KLHDC4: variants seen among roughly 807,000 people sequenced by gnomAD.
The protein encoded by KLHDC4 is kelch domain containing 4, also known as kelch domain-containing protein 4.
Under a neutral mutation model 62.4 loss-of-function variants are expected in KLHDC4, and 90 were observed. That is an observed-to-expected ratio of 1.44 (90% CI 1.22 to 1.72). The LOEUF is 1.72. Among genes scored for constraint, KLHDC4 ranks in the 40% most tolerant of loss-of-function variants. The pLI is 0.00. For missense variants in KLHDC4, 1,025 were observed against 699.7 expected, an observed-to-expected ratio of 1.47 and a Z score of -5.25; for synonymous variants, 386 against 284.4, an observed-to-expected ratio of 1.36 and a Z score of -3.59.
chr16:87,727,063 C>A, intron 6 of KLHDC4, 139 bp from the exon 7 acceptor site: 2 of 847,820 alleles, frequency 2.4e-6, no homozygotes, highest in Non-Finnish European at 3.6e-6. Context: ...TCTGCTCTTA[C>A]ACCAACACAA....
intron 1 of KLHDC4, 197 bp from the exon 2 acceptor site, chr16:87,762,237 G>T: frequency 8.7e-7 from 1 of 1,149,222 alleles, no homozygotes; most frequent in South Asian, 1.7e-5. Context: ...AAGGCAGTCT[G>T]CTTAAAGGGT....
chr16:87,764,830 CAAAAAAA>C (rs35356541), intron 1 of KLHDC4, among the ~76,000 whole-genome samples: 2 of 80,506 alleles, frequency 2.5e-5, no homozygotes, highest in African/African-American at 4.5e-5. Flanking sequence ...AAGACTCTGT[CAAAAAAA>C]AAAAAAAAAA....
At chr16:87,745,086 T>C (rs1165109792) in intron 5 of KLHDC4, among the ~76,000 whole-genome samples, 1 of 152,238 alleles carries the variant, frequency 6.6e-6, no homozygotes, top group Admixed American at 6.5e-5. Flanking sequence ...AGAGGAAGCA[T>C]TTCTTTAGGG....
intron 7 of KLHDC4, among the ~76,000 whole-genome samples, chr16:87,720,490 G>C (rs550218936): frequency 1.3e-5 from 2 of 152,316 alleles, no homozygotes; most frequent in South Asian, 4.1e-4. Context: ...GCGACCGCAC[G>C]CACCGTGCCC....
At chr16:87,714,595 T>A (rs1169811623) in intron 7 of KLHDC4, 22 bp from the exon 8 acceptor site, 3 of 1,613,586 alleles carry the variant, frequency 1.9e-6, no homozygotes, top group Non-Finnish European at 2.5e-6. Flanking sequence ...AGGAATTGTG[T>A]GAGAACCGGG....
intron 4 of KLHDC4, among the ~76,000 whole-genome samples, chr16:87,752,079 G>C (rs2044068259): frequency 1.7e-5 from 1 of 58,082 alleles, no homozygotes; most frequent in Non-Finnish European, 2.9e-5. Flanking sequence ...AACAGAGTGA[G>C]ACTTTGTCTC....
At chr16:87,722,418 G>C (rs1269282184) in intron 7 of KLHDC4, among the ~76,000 whole-genome samples, 1 of 152,144 alleles carries the variant, frequency 6.6e-6, no homozygotes, top group African/African-American at 2.4e-5. Flanking sequence ...CCAGCCCCAA[G>C]GTCAAGGCTC....
At chr16:87,762,411 C>A (rs1409575662) in intron 1 of KLHDC4, among the ~76,000 whole-genome samples, 1 of 151,996 alleles carries the variant, frequency 6.6e-6, no homozygotes. Context: ...AGAGCAGTGT[C>A]TGACAAGAAC....
At chr16:87,724,057 C>T (rs886446419) in intron 7 of KLHDC4, among the ~76,000 whole-genome samples, 6 of 152,114 alleles carry the variant, frequency 3.9e-5, no homozygotes, top group African/African-American at 1.2e-4. Flanking sequence ...AGGCTGATCT[C>T]GAACTCCTGA....
intron 2 of KLHDC4, 150 bp downstream of exon 2, chr16:87,761,799 G>C: frequency 1.3e-6 from 1 of 781,142 alleles, no homozygotes; most frequent in Non-Finnish European, 2.1e-6. Context: ...CCTCATTCCA[G>C]TTCTTCAGCA....
chr16:87,764,186 C>T (rs1452458341), intron 1 of KLHDC4, among the ~76,000 whole-genome samples: 1 of 152,194 alleles, frequency 6.6e-6, no homozygotes, highest in East Asian at 1.9e-4. Flanking sequence ...AGATGATCCT[C>T]TGTGGGTCTA....
intron 5 of KLHDC4, among the ~76,000 whole-genome samples, chr16:87,738,355 G>T (rs529986203): frequency 7.2e-6 from 1 of 139,806 alleles, no homozygotes; most frequent in East Asian, 2.0e-4. Context: ...ACACACGGAC[G>T]TGCACACACA....
chr16:87,759,970 A>G (rs1214147188), intron 2 of KLHDC4, among the ~76,000 whole-genome samples: 1 of 152,156 alleles, frequency 6.6e-6, no homozygotes, highest in Non-Finnish European at 1.5e-5. Context: ...TTTTCCAGGT[A>G]GGTCACATCA....
chr16:87,765,252 T>G (rs1332867649), intron 1 of KLHDC4: 2 of 455,970 alleles, frequency 4.4e-6, no homozygotes, highest in South Asian at 1.5e-5. Context: ...CGCCATCAGC[T>G]GCTACGGGAT....
At chr16:87,716,745 C>T (rs983348633) in intron 7 of KLHDC4, among the ~76,000 whole-genome samples, 3 of 152,052 alleles carry the variant, frequency 2.0e-5, no homozygotes, top group African/African-American at 7.2e-5. Flanking sequence ...TCCTGGCTAA[C>T]ACGATGAAAC....
chr16:87,714,522 G>A lies in KLHDC4; in HGVS notation c.811C>T (p.Leu271=), dbSNP rs200501297. 13 of 1,614,182 alleles carry A rather than the reference G, an allele frequency of 8.1e-6. No homozygotes were observed. Among genetic ancestry groups the A allele is most frequent in the South Asian group, 7.7e-5 (7 of 91,086 alleles). Residue 271 remains leucine, a synonymous_variant, in exon 8 of 12, where the codon CTG becomes TTG. Coordinates refer to ENST00000270583, the MANE Select transcript of KLHDC4 (RefSeq NM_017566.4). ...KGTRHSDMFL[L]KPEDGREDKW... is the part of the protein sequence containing the mutation. ...CCTTCTCTTCCGTCCTCTGGCTTCA[G>A]CAGGAACATGTCTGAGTGCCGTGTG...
chr16:87,765,257 C>A, intron 1 of KLHDC4: 1 of 456,080 alleles, frequency 2.2e-6, no homozygotes, highest in Non-Finnish European at 4.4e-6. Flanking sequence ...TCAGCTGCTA[C>A]GGGATACCCC....
rs553909196 is a variant in KLHDC4, at chr16:87,756,341, T to C, written c.270+58A>G. On this transcript the variant is annotated intron_variant, in intron 3 of 11. Coordinates refer to ENST00000270583, the MANE Select transcript of KLHDC4 (RefSeq NM_017566.4). The stretch of plus-strand genomic sequence containing the variant: ...TTTGATGTCACTGCCTTAAGTTAAC[T>C]TTCTGTCAAATGATACTCACGCAAC... 3 of 1,305,306 alleles carry C rather than the reference T, an allele frequency of 2.3e-6. No homozygotes were observed. The East Asian group carries it at 6.9e-5, about 30-fold the overall frequency. The allele number at this position is 1,305,306 out of a possible 1,614,324, so 80.9% of individuals were successfully genotyped here. A position where few individuals can be genotyped will look rare whatever the true frequency, so the allele number is the denominator to read the frequency against.
intron 5 of KLHDC4, among the ~76,000 whole-genome samples, chr16:87,734,323 G>A (rs181544567): frequency 2.0e-5 from 3 of 152,018 alleles, no homozygotes; most frequent in Non-Finnish European, 2.9e-5. Flanking sequence ...CAGTCTGGGC[G>A]ATAGAGCAAG....
Sources: gnomAD v4.1 joint callset for allele counts (sites outside exome capture counted in the v4.1 genomes callset) on GRCh38, gnomAD v4.1.1 for gene constraint, MANE v1.5 for transcripts, NCBI Gene and HGNC (gene_info 2026-07-23, HGNC 2026-07-21) for gene names.